The following NOX4 variants were observed in gnomAD, a reference collection of about 807,000 sequenced individuals.
NOX4 encodes kidney oxidase-1.
In NOX4, 69 loss-of-function variants were observed where a neutral mutation model predicts 87.6. The observed-to-expected ratio is 0.79, with a 90% CI of 0.65 to 0.96. The LOEUF (loss-of-function observed/expected upper bound fraction) is 0.96. Among genes scored for constraint, NOX4 ranks in the 40% least tolerant of loss-of-function variants. The pLI is 0.00. For missense variants in NOX4, 680 were observed against 681.5 expected, an observed-to-expected ratio of 1.00 and a Z score of 0.02; for synonymous variants, 275 against 238.2, an observed-to-expected ratio of 1.15 and a Z score of -1.42.
chr11:89,490,491 C>T lies in NOX4; in HGVS notation c.120G>A (p.Gly40=), dbSNP rs750388736. 1 of 1,613,866 alleles carries T rather than the reference C, an allele frequency of 6.2e-7. No homozygotes were observed. Among genetic ancestry groups the T allele is most frequent in the Admixed American group, 1.7e-5 (1 of 60,022 alleles). ...TCTGGTGGAGGTAGTGATACTCTGGCCCTTGGTTATACAGCAAGAAGGTTT... is the reference window on the plus strand; with the variant it reads ...TCTGGTGGAGGTAGTGATACTCTGGTCCTTGGTTATACAGCAAGAAGGTTT... ...FWKTFLLYNQ[G]PEYHYLHQML... Residue 40 remains glycine (G), a synonymous_variant, in exon 2 of 18, where the codon GGG becomes GGA. Coordinates refer to ENST00000263317, the MANE Select transcript of NOX4 (RefSeq NM_016931.5).
intron 5 of NOX4, 111 bp from the exon 6 acceptor site, chr11:89,440,826 G>T (rs902454849): frequency 3.7e-6 from 2 of 536,816 alleles, no homozygotes; most frequent in Non-Finnish European, 6.5e-6. Context: ...GTAAAATACT[G>T]TTCATCCAAC....
intron 2 of NOX4, among the ~76,000 whole-genome samples, chr11:89,464,315 C>T (rs11018622): frequency 0.4 from 61,002 of 151,852 alleles, 12,643 homozygotes; most frequent in East Asian, 0.52. Flanking sequence ...CCCACTTTCT[C>T]ATACATGTTT....
chr11:89,430,673 A>G lies in NOX4; in HGVS notation c.548+2111T>C, dbSNP rs190357430. 5.6e-3 allele frequency among the ~76,000 whole-genome samples: 845 copies of G among 152,244 alleles called. 9 individuals are homozygous for G. The highest frequency in any genetic ancestry group is 5.2e-3 in the Non-Finnish European group (354 of 68,024). On this transcript the variant is annotated intron_variant, in intron 7 of 17. Transcript: ENST00000263317. Reference sequence around the variant, plus strand: ...GGATGTGAAGGACTTCTTCAAGGAGAACTACATACCACTGCTCAACGAAAT... The same window carrying G: ...GGATGTGAAGGACTTCTTCAAGGAGGACTACATACCACTGCTCAACGAAAT...
At chr11:89,451,636 T>C (rs1459026492) in intron 3 of NOX4, 149 bp downstream of exon 3, 1 of 594,452 alleles carries the variant, frequency 1.7e-6, no homozygotes, top group South Asian at 1.8e-5. Context: ...AACTCACAGA[T>C]CATCTTGGCA....
chr11:89,465,949 T>C (rs1348824521), intron 2 of NOX4, among the ~76,000 whole-genome samples: 1 of 152,176 alleles, frequency 6.6e-6, no homozygotes, highest in Non-Finnish European at 1.5e-5. Flanking sequence ...TGATGGGATC[T>C]GATTAAACTA....
chr11:89,348,011 C>A (rs978179666), intron 13 of NOX4, among the ~76,000 whole-genome samples: 1 of 152,174 alleles, frequency 6.6e-6, no homozygotes, highest in Non-Finnish European at 1.5e-5. Flanking sequence ...TGCAGTGGCT[C>A]ATATCTGTAA....
At chr11:89,459,409 C>T (rs535480600) in intron 2 of NOX4, among the ~76,000 whole-genome samples, 1 of 152,060 alleles carries the variant, frequency 6.6e-6, no homozygotes, top group South Asian at 2.1e-4. Context: ...CAATTTATCC[C>T]TATAGTAAAC....
chr11:89,549,905 G>A, the NOX4 span, among the ~76,000 whole-genome samples: 3 of 152,268 alleles, frequency 2.0e-5, no homozygotes, highest in East Asian at 1.9e-4. Context: ...TCATTGATGG[G>A]CATTTGGATT....
intron 2 of NOX4, among the ~76,000 whole-genome samples, chr11:89,464,179 T>C (rs553111414): frequency 1.3e-5 from 2 of 152,198 alleles, no homozygotes; most frequent in South Asian, 4.1e-4. Context: ...ATTATTGTGT[T>C]TATATTAAAT....
the NOX4 span, among the ~76,000 whole-genome samples, chr11:89,561,048 TAC>T: frequency 1.7e-5 from 1 of 59,652 alleles, no homozygotes; most frequent in Non-Finnish European, 2.8e-5. Flanking sequence ...ACATATATCA[TAC>T]ATATATATAT....
intron 11 of NOX4, among the ~76,000 whole-genome samples, chr11:89,389,067 A>G (rs1940928742): frequency 6.6e-6 from 1 of 152,184 alleles, no homozygotes; most frequent in Non-Finnish European, 1.5e-5. Flanking sequence ...GTATTCCAAA[A>G]TCCATGATCT....
chr11:89,489,718 ACT>A (rs1231359982), intron 2 of NOX4, among the ~76,000 whole-genome samples: 14 of 129,336 alleles, frequency 1.1e-4, no homozygotes, highest in Non-Finnish European at 1.7e-5. Flanking sequence ...TCGCAGCAAG[ACT>A]CTGTCTCAAA....
At chr11:89,352,963 G>A (rs1937674928) in intron 13 of NOX4, among the ~76,000 whole-genome samples, 1 of 152,142 alleles carries the variant, frequency 6.6e-6, no homozygotes, top group Non-Finnish European at 1.5e-5. Flanking sequence ...GGAAATACAG[G>A]CGTGTGCCAC....
chr11:89,570,207 C>T, the NOX4 span, among the ~76,000 whole-genome samples: 1 of 152,124 alleles, frequency 6.6e-6, no homozygotes, highest in Non-Finnish European at 1.5e-5. Context: ...TTTGCAGCAA[C>T]ACATGTGGAA....
chr11:89,350,046 C>CT (rs1725535449), intron 13 of NOX4, among the ~76,000 whole-genome samples: 1 of 152,106 alleles, frequency 6.6e-6, no homozygotes, highest in Admixed American at 6.6e-5. Context: ...GATGCACATT[C>CT]TTTTTTTATT....
At chr11:89,582,289 G>A in the NOX4 span, among the ~76,000 whole-genome samples, 5 of 151,896 alleles carry the variant, frequency 3.3e-5, no homozygotes, top group African/African-American at 1.2e-4. Context: ...CATCTGTTGA[G>A]GGATATTTAG....
chr11:89,398,147 C>G (rs1176337959), intron 11 of NOX4, among the ~76,000 whole-genome samples: 1 of 151,344 alleles, frequency 6.6e-6, no homozygotes, highest in Non-Finnish European at 1.5e-5. Flanking sequence ...CCCTGGGATG[C>G]AAGGCTGGTT....
chr11:89,583,856 A>G, the NOX4 span, among the ~76,000 whole-genome samples: 1 of 152,158 alleles, frequency 6.6e-6, no homozygotes, highest in Non-Finnish European at 1.5e-5. Flanking sequence ...CACTTCGCAC[A>G]TGGCAGTGGT....
At chr11:89,355,841 C>G (rs1456969483) in intron 12 of NOX4, among the ~76,000 whole-genome samples, 2 of 152,090 alleles carry the variant, frequency 1.3e-5, no homozygotes, top group Non-Finnish European at 2.9e-5. Context: ...GTGTCTTAGA[C>G]AGCAAGTATG....
Sources: allele counts gnomAD v4.1 joint callset (sites outside exome capture counted in the v4.1 genomes callset), GRCh38; gene constraint gnomAD v4.1.1; transcripts MANE v1.5; gene names NCBI Gene and HGNC (gene_info 2026-07-23, HGNC 2026-07-21).